GNA14: variants seen among roughly 807,000 people sequenced by gnomAD.
The protein encoded by GNA14 is guanine nucleotide-binding protein subunit alpha-14.
Under a neutral mutation model 42.0 loss-of-function variants are expected in GNA14, and 50 were observed. That is an observed-to-expected ratio of 1.19 (90% CI 0.95 to 1.51). The LOEUF (loss-of-function observed/expected upper bound fraction) is 1.51, where lower values mean the gene tolerates loss of function less well. Among genes scored for constraint, GNA14 ranks in the 40% most tolerant of loss-of-function variants. GNA14 has a pLI of 0.00. For missense variants in GNA14, 473 were observed against 446.2 expected (o/e 1.06, Z -0.54); for synonymous variants, 173 against 163.1 (o/e 1.06, Z -0.46).
chr9:77,586,867 A>T (rs930848685), intron 1 of GNA14, among the ~76,000 whole-genome samples: 3 of 152,112 alleles, frequency 2.0e-5, no homozygotes, highest in African/African-American at 7.2e-5. Flanking sequence ...CATGTTGAAC[A>T]CGCCTGGTCC....
intron 1 of GNA14, among the ~76,000 whole-genome samples, chr9:77,626,409 T>C (rs897207180): frequency 1.2e-4 from 19 of 152,148 alleles, no homozygotes; most frequent in African/African-American, 4.3e-4. Context: ...TACAGAACTC[T>C]CCACCCCAAA....
rs532169106 is a variant in GNA14 at position 77,430,147 on chromosome 9, C to A, written c.594-1111G>T. Among the ~76,000 whole-genome samples the A allele has an allele frequency of 5.1e-4, 77 of 152,342 alleles. 1 individual carries two copies. The highest frequency in any genetic ancestry group is 3.7e-3 in the South Asian group (18 of 4,830). On this transcript the variant is annotated intron_variant, in intron 4 of 6. Coordinates refer to ENST00000341700, the MANE Select transcript of GNA14 (RefSeq NM_004297.4). ...GAACCGATCTTGAAACAGGACATTG[C>A]AATTGTCAAAAGGTTGAGCTTGAAG...
At chr9:77,565,746 C>T (rs1822957511) in intron 1 of GNA14, among the ~76,000 whole-genome samples, 1 of 152,206 alleles carries the variant, frequency 6.6e-6, no homozygotes, top group Non-Finnish European at 1.5e-5. Flanking sequence ...GCGTGAGCCA[C>T]CGTGCCCAGC....
chr9:77,485,701 T>C (rs572007730), intron 2 of GNA14, among the ~76,000 whole-genome samples: 1 of 152,250 alleles, frequency 6.6e-6, no homozygotes, highest in Admixed American at 6.5e-5. Context: ...TAGCAACCAT[T>C]TAAAAAAAAA....
intron 1 of GNA14, among the ~76,000 whole-genome samples, chr9:77,592,202 A>T (rs1823401104): frequency 6.6e-6 from 1 of 152,118 alleles, no homozygotes; most frequent in Admixed American, 6.5e-5. Context: ...GTGCCTGGCC[A>T]TGTCCAGCAC....
chr9:77,462,317 G>C (rs1337315075), intron 2 of GNA14, among the ~76,000 whole-genome samples: 1 of 152,182 alleles, frequency 6.6e-6, no homozygotes, highest in Non-Finnish European at 1.5e-5. Flanking sequence ...GAATACCAGT[G>C]AGGGGGGAAT....
Position 77,648,154 on chromosome 9 carries a change from G to C in GNA14, c.-361C>G, listed in dbSNP as rs1250624586. Reference sequence around the variant, plus strand: ...CAGGAGCCGGACAGCAGTCGGGGGCGCAGACGAGTTGGAACGTCGGTGCTC... The same window carrying C: ...CAGGAGCCGGACAGCAGTCGGGGGCCCAGACGAGTTGGAACGTCGGTGCTC... On this transcript the variant is annotated 5_prime_UTR_variant, in exon 1 of 7. Coordinates refer to ENST00000341700, the MANE Select transcript of GNA14 (RefSeq NM_004297.4). 1 of 320,938 alleles carries C rather than the reference G, an allele frequency of 3.1e-6. No individual in the cohort carries two copies. The highest frequency in any genetic ancestry group is 9.8e-5 in the East Asian group (1 of 10,204). The allele number at this position is 320,938 out of a possible 1,614,324, so 19.9% of individuals were successfully genotyped here.
intron 1 of GNA14, among the ~76,000 whole-genome samples, chr9:77,592,027 G>A (rs1384041921): frequency 6.6e-6 from 1 of 151,210 alleles, no homozygotes; most frequent in Non-Finnish European, 1.5e-5. Flanking sequence ...CCATTCTCCT[G>A]CCTCAGCCTC....
At chr9:77,620,950 T>C (rs1313414353) in intron 1 of GNA14, among the ~76,000 whole-genome samples, 1 of 152,092 alleles carries the variant, frequency 6.6e-6, no homozygotes, top group Admixed American at 6.6e-5. Flanking sequence ...TTATTTATTT[T>C]GAGACAGGGT....
chr9:77,478,400 G>A (rs541883508), intron 2 of GNA14, among the ~76,000 whole-genome samples: 10 of 152,234 alleles, frequency 6.6e-5, no homozygotes, highest in African/African-American at 2.4e-4. Context: ...GAGTATATGT[G>A]CCACATTTTC....
chr9:77,521,256 G>A (rs1049443730), intron 2 of GNA14, among the ~76,000 whole-genome samples: 1 of 152,180 alleles, frequency 6.6e-6, no homozygotes, highest in African/African-American at 2.4e-5. Flanking sequence ...ATGGGAAGCA[G>A]GGCCTGAGTT....
intron 1 of GNA14, among the ~76,000 whole-genome samples, chr9:77,647,402 TA>T (rs1293570083): frequency 1.3e-5 from 2 of 152,034 alleles, no homozygotes; most frequent in African/African-American, 4.8e-5. Flanking sequence ...ACACATAAGG[TA>T]CAGCGGTCAA....
chr9:77,629,277 G>T (rs550831844), intron 1 of GNA14, among the ~76,000 whole-genome samples: 4 of 152,226 alleles, frequency 2.6e-5, no homozygotes, highest in Non-Finnish European at 5.9e-5. Flanking sequence ...TTACACTGTT[G>T]TTGGGAGTGT....
chr9:77,490,167 C>G (rs551429398), intron 2 of GNA14, among the ~76,000 whole-genome samples: 198 of 152,328 alleles, frequency 1.3e-3, no homozygotes, highest in African/African-American at 4.6e-3. Flanking sequence ...AGGTTCTCCA[C>G]GTCCCCACCA....
intron 1 of GNA14, among the ~76,000 whole-genome samples, chr9:77,641,881 T>C (rs185391679): frequency 2.0e-5 from 3 of 152,158 alleles, no homozygotes; most frequent in African/African-American, 7.2e-5. Context: ...AAAACACGCT[T>C]AAGAGTTTAG....
At chr9:77,566,145 CTTTTTTTTTTT>C (rs956489720) in intron 1 of GNA14, among the ~76,000 whole-genome samples, 8 of 102,510 alleles carry the variant, frequency 7.8e-5, no homozygotes, top group Non-Finnish European at 1.3e-4. Context: ...GGGAGTGCTT[CTTTTTTTTTTT>C]TTTTTTTTTT....
chr9:77,574,383 G>T (rs542741923), intron 1 of GNA14, among the ~76,000 whole-genome samples: 2 of 152,192 alleles, frequency 1.3e-5, no homozygotes, highest in African/African-American at 4.8e-5. Flanking sequence ...ATGCAATCAA[G>T]ATTTGTGTTT....
intron 1 of GNA14, among the ~76,000 whole-genome samples, chr9:77,622,890 T>A (rs1823950814): frequency 7.6e-6 from 1 of 132,336 alleles, no homozygotes; most frequent in Non-Finnish European, 1.6e-5. Context: ...TGAGACTCTG[T>A]CTCAAAAAAA....
At chr9:77,558,149 A>G (rs1822818991) in intron 1 of GNA14, among the ~76,000 whole-genome samples, 1 of 152,206 alleles carries the variant, frequency 6.6e-6, no homozygotes, top group Non-Finnish European at 1.5e-5. Flanking sequence ...TATATAATGG[A>G]AATGTTATTA....
Sources: gnomAD v4.1 joint callset for allele counts (sites outside exome capture counted in the v4.1 genomes callset) on GRCh38, gnomAD v4.1.1 for gene constraint, MANE v1.5 for transcripts, NCBI Gene and HGNC (gene_info 2026-07-23, HGNC 2026-07-21) for gene names.